FNIP2: variants seen among roughly 807,000 people sequenced by gnomAD.
The protein encoded by FNIP2 is folliculin-interacting protein 2.
FNIP2 carries 32 observed loss-of-function variants against 108.7 expected under a neutral mutation model. The ratio of observed to expected loss-of-function variants is 0.29; its 90% confidence interval spans 0.22 to 0.40. FNIP2 has a LOEUF of 0.40. Ranked by LOEUF, FNIP2 falls within the 10% of genes least tolerant of loss-of-function variation. The probability of loss-of-function intolerance (pLI) is 1.00; values close to 1 mark genes in which losing one functional copy is unlikely to be tolerated. For synonymous variants in FNIP2, 480 were observed against 496.7 expected, an observed-to-expected ratio of 0.97 and a Z score of 0.45; for missense variants, 1,202 against 1,381.6, an observed-to-expected ratio of 0.87 and a Z score of 2.06.
chr4:158,897,696 T>C (rs1782815378), intron 16 of FNIP2, among the ~76,000 whole-genome samples: 1 of 152,232 alleles, frequency 6.6e-6, no homozygotes, highest in African/African-American at 2.4e-5. Flanking sequence ...GTTGTTTTTT[T>C]CTTGTAAATT....
In FNIP2 at chr4:158,804,153, G is replaced by T. The variant is rs148862713; in HGVS notation, c.108-21763G>T. 4.7e-3 allele frequency among the ~76,000 whole-genome samples: 720 copies of T among 152,168 alleles called. 3 individuals are homozygous for T. The Middle Eastern group carries it at 0.051, about 11-fold the overall frequency. ...GACGGGGTTTCACCATGTTGGTCAG[G>T]CTGGTCTCAAACTCCTGACCTCAAA... On this transcript the variant is annotated intron_variant, in intron 1 of 16. Transcript: ENST00000264433.
intron 1 of FNIP2, among the ~76,000 whole-genome samples, chr4:158,816,068 C>T (rs1404715317): frequency 2.6e-5 from 4 of 151,912 alleles, no homozygotes; most frequent in Admixed American, 2.0e-4. Flanking sequence ...TGCTGGGTCA[C>T]GAGTATATAT....
intron 13 of FNIP2, among the ~76,000 whole-genome samples, 172 bp downstream of exon 13, chr4:158,869,600 C>A (rs1428556852): frequency 6.6e-6 from 1 of 152,206 alleles, no homozygotes; most frequent in Non-Finnish European, 1.5e-5. Flanking sequence ...CCCACCTGTC[C>A]TTCTTCCAAG....
chr4:158,851,273 A>G (rs1779684169), intron 7 of FNIP2, 48 bp from the exon 8 acceptor site: 2 of 1,604,844 alleles, frequency 1.2e-6, no homozygotes, highest in Admixed American at 1.7e-5. Flanking sequence ...ATGTAGCTAC[A>G]TGAGGACTAA....
chr4:158,881,585 T>C lies in FNIP2; in HGVS notation c.2950-9861T>C, dbSNP rs915976303. Among the ~76,000 whole-genome samples, 129 of 152,320 alleles carry C rather than the reference T, an allele frequency of 8.5e-4. 1 individual carries two copies. The highest frequency in any genetic ancestry group is 2.9e-3 in the African/African-American group (120 of 41,560). On this transcript the variant is annotated intron_variant, in intron 14 of 16. Transcript: ENST00000264433. ...CCTGCCTCAGCCTGCCAAGTGCCTG[T>C]GATTGCAGGCGCGTGCCGCCACGCC...
At chr4:158,779,479 C>T (rs1422549438) in intron 1 of FNIP2, among the ~76,000 whole-genome samples, 1 of 151,374 alleles carries the variant, frequency 6.6e-6, no homozygotes, top group Non-Finnish European at 1.5e-5. Flanking sequence ...AAATGTATGA[C>T]CAAGAACTAG....
chr4:158,901,128 ATTTTTTT>A (rs140017298), intron 16 of FNIP2, among the ~76,000 whole-genome samples: 4 of 112,302 alleles, frequency 3.6e-5, no homozygotes, highest in African/African-American at 1.5e-4. Flanking sequence ...CTGGGTTGAA[ATTTTTTT>A]TTTTTTTTTT....
intron 16 of FNIP2, among the ~76,000 whole-genome samples, chr4:158,902,495 T>C (rs1729414244): frequency 6.6e-6 from 1 of 152,190 alleles, no homozygotes; most frequent in Non-Finnish European, 1.5e-5. Flanking sequence ...GTCTGACCCT[T>C]AGCAGAGCTC....
rs771110651 is a variant in FNIP2, at chr4:158,851,467, CT to C, written c.857+18del. 6.2e-7 allele frequency: 1 copy of C among 1,613,678 alleles called. No homozygotes were observed. The highest frequency in any genetic ancestry group is 8.5e-7 in the Non-Finnish European group (1 of 1,179,750). The stretch of plus-strand genomic sequence containing the variant: ...CCCAAGAAGGTGAGTTGCAAGTTTC[CT>C]CTTGCTGAGAAAAGTAGGAGTGTAG... On this transcript the variant is annotated intron_variant, in intron 8 of 16. Transcript: ENST00000264433.
chr4:158,903,507 G>C (rs1224447140), intron 16 of FNIP2, among the ~76,000 whole-genome samples: 1 of 152,158 alleles, frequency 6.6e-6, no homozygotes, highest in Non-Finnish European at 1.5e-5. Flanking sequence ...CCTTACAGGT[G>C]TGCATCAACA....
At chr4:158,831,478 C>A (rs1342867389) in intron 3 of FNIP2, among the ~76,000 whole-genome samples, 2 of 152,128 alleles carry the variant, frequency 1.3e-5, no homozygotes, top group Non-Finnish European at 2.9e-5. Flanking sequence ...TAATACCGAA[C>A]CATATTTTTT....
At chr4:158,836,835 A>C (rs956958816) in intron 7 of FNIP2, among the ~76,000 whole-genome samples, 1 of 151,066 alleles carries the variant, frequency 6.6e-6, no homozygotes, top group African/African-American at 2.4e-5. Context: ...AAAAAAAAAA[A>C]AAAGAGACTC....
At chr4:158,841,558 C>T (rs1292243157) in intron 7 of FNIP2, among the ~76,000 whole-genome samples, 3 of 152,172 alleles carry the variant, frequency 2.0e-5, no homozygotes, top group African/African-American at 7.2e-5. Flanking sequence ...TTTATTTATT[C>T]TTTGTGTCAG....
chr4:158,885,986 G>A (rs1056688956), intron 14 of FNIP2, among the ~76,000 whole-genome samples: 2 of 152,112 alleles, frequency 1.3e-5, no homozygotes, highest in African/African-American at 2.4e-5. Context: ...TTGTGTGTGC[G>A]GCAATCTGAC....
rs1729788688 is a variant in FNIP2, at chr4:158,905,815, A to C, written c.*1271A>C. ...AGTAAAAGACTTTTAAATATTGGTC[A>C]TTAAAGGACAGGAGCTAAGCTAGCA... On this transcript the variant is annotated 3_prime_UTR_variant, in exon 17 of 17. Coordinates refer to ENST00000264433, the MANE Select transcript of FNIP2 (RefSeq NM_020840.3). 1 of 152,178 alleles carries C rather than the reference A, an allele frequency of 6.6e-6. No homozygotes were observed. Among genetic ancestry groups the C allele is most frequent in the Non-Finnish European group, 1.5e-5 (1 of 68,034 alleles). The allele number at this position is 152,178 out of a possible 1,614,324, so 9.4% of individuals were successfully genotyped here. A position where few individuals can be genotyped will look rare whatever the true frequency, so the allele number is the denominator to read the frequency against.
intron 1 of FNIP2, among the ~76,000 whole-genome samples, chr4:158,792,442 G>C (rs542246712): frequency 1.3e-5 from 2 of 150,404 alleles, no homozygotes; most frequent in South Asian, 2.1e-4. Flanking sequence ...CTGGAGTGCT[G>C]TCTAGTGGTC....
chr4:158,851,176 A>T, intron 7 of FNIP2, 145 bp from the exon 8 acceptor site: 1 of 855,404 alleles, frequency 1.2e-6, no homozygotes, highest in Non-Finnish European at 1.7e-6. Flanking sequence ...TCATTTTTTT[A>T]GTGGCGAAGT....
At chr4:158,889,805 CTTT>C (rs35673623) in intron 14 of FNIP2, 86 of 888,346 alleles carry the variant, frequency 9.7e-5, no homozygotes, top group Admixed American at 1.9e-4. Flanking sequence ...TTCAAATTTC[CTTT>C]TTTTTTTTTT....
rs1782478164 is a variant in FNIP2, at chr4:158,894,167, TTTC to T, written c.3151-1580_3151-1578del. Among the ~76,000 whole-genome samples the T allele has an allele frequency of 7.0e-5, 9 of 128,686 alleles. No homozygotes were observed. In the South Asian group the frequency reaches 2.6e-3, roughly 37 times the overall value. The allele number at this position is 128,686 out of a possible 152,430, so 84.4% of individuals were successfully genotyped here. A position where few individuals can be genotyped will look rare whatever the true frequency, so the allele number is the denominator to read the frequency against. The stretch of plus-strand genomic sequence containing the variant: ...AATAATCAAGTCTTTTAAAAAATGT[TTTC>T]TTTTTTTTTTTTTTTTTTGAGACAG... On this transcript the variant is annotated intron_variant, in intron 15 of 16. Coordinates refer to ENST00000264433, the MANE Select transcript of FNIP2 (RefSeq NM_020840.3).
Sources: gnomAD v4.1 joint callset for allele counts (sites outside exome capture counted in the v4.1 genomes callset) on GRCh38, gnomAD v4.1.1 for gene constraint, MANE v1.5 for transcripts, NCBI Gene and HGNC (gene_info 2026-07-23, HGNC 2026-07-21) for gene names.